The following MARCHF10 variants were observed in gnomAD, a reference collection of about 807,000 sequenced individuals.
MARCHF10 encodes the protein membrane associated ring-CH-type finger 10.
MARCHF10 carries 64 observed loss-of-function variants against 76.2 expected under a neutral mutation model. The ratio of observed to expected loss-of-function variants is 0.84; its 90% CI spans 0.69 to 1.03. The LOEUF (loss-of-function observed/expected upper bound fraction) is 1.03, where lower values mean the gene tolerates loss of function less well. MARCHF10 is among the 50% of genes least tolerant of loss of function. The pLI, the probability that MARCHF10 is intolerant of heterozygous loss-of-function variation, is 0.00. For synonymous variants in MARCHF10, 340 were observed against 357.5 expected, an observed-to-expected ratio of 0.95 and a Z score of 0.55; for missense variants, 875 against 958.0, an observed-to-expected ratio of 0.91 and a Z score of 1.14.
At chr17:62,741,494 C>T (rs1473622661) in intron 5 of MARCHF10, among the ~76,000 whole-genome samples, 1 of 152,174 alleles carries the variant, frequency 6.6e-6, no homozygotes, top group Non-Finnish European at 1.5e-5. Context: ...GTAGCATAGA[C>T]ACAACAGTGC....
chr17:62,738,943 AC>A lies in MARCHF10; in HGVS notation c.536-1612del, dbSNP rs2091399825. 6.6e-6 allele frequency among the ~76,000 whole-genome samples: 1 copy of A among 151,588 alleles called. No homozygotes were observed. On this transcript the variant is annotated intron_variant, in intron 5 of 10. Coordinates refer to ENST00000311269, the MANE Select transcript of MARCHF10 (RefSeq NM_152598.4). This position sits in a 1 kb window ranked among gnomAD's most constrained non-coding sequence, Gnocchi z 4.0. ...GGCGAGGCCACTCCAGACTGGGCCG[AC>A]CCCCATTTTGGGAACAAATGCTTCT...
chr17:62,791,258 T>G (rs1340936912), intron 2 of MARCHF10, among the ~76,000 whole-genome samples: 1 of 152,208 alleles, frequency 6.6e-6, no homozygotes, highest in Admixed American at 6.5e-5. Flanking sequence ...AGCTTGTGTT[T>G]GGAAAGAGCA....
chr17:62,782,636 C>T lies in MARCHF10; in HGVS notation c.210+5844G>A, dbSNP rs372296853. Among the ~76,000 whole-genome samples the T allele has an allele frequency of 1.3e-3, 205 of 152,122 alleles. 1 individual carries two copies. Among genetic ancestry groups the T allele is most frequent in the African/African-American group, 3.9e-3 (163 of 41,486 alleles). On this transcript the variant is annotated intron_variant, in intron 3 of 10. Transcript: ENST00000311269. ...CTGGGATTACAGGTGTGAGCTACCG[C>T]GCCTGGCCAAACGACTGTATTTTAA...
intron 3 of MARCHF10, among the ~76,000 whole-genome samples, chr17:62,770,783 C>T (rs1192900651): frequency 1.3e-5 from 2 of 151,748 alleles, no homozygotes; most frequent in Non-Finnish European, 2.9e-5. Flanking sequence ...TCAGGTGATT[C>T]ACCCGCCTTG....
At chr17:62,747,074 A>C (rs1424930401) in intron 4 of MARCHF10, 1 of 830,626 alleles carries the variant, frequency 1.2e-6, no homozygotes, top group Non-Finnish European at 1.9e-6. Context: ...TTTCTCTCCA[A>C]CTAGCCTGCA....
chr17:62,758,911 T>C (rs944991261), intron 4 of MARCHF10, among the ~76,000 whole-genome samples: 9 of 152,236 alleles, frequency 5.9e-5, no homozygotes, highest in Non-Finnish European at 8.8e-5. Flanking sequence ...GTTTGTCTTA[T>C]AGCTGTTGTC....
chr17:62,770,487 C>T (rs2092422020), intron 3 of MARCHF10, among the ~76,000 whole-genome samples: 1 of 151,792 alleles, frequency 6.6e-6, no homozygotes, highest in Admixed American at 6.6e-5. Context: ...TTCCCAGCAA[C>T]AGTATGTAAG....
chr17:62,704,067 C>T (rs984409118), intron 10 of MARCHF10, among the ~76,000 whole-genome samples: 10 of 151,760 alleles, frequency 6.6e-5, no homozygotes, highest in Non-Finnish European at 1.5e-4. Flanking sequence ...GGCGCGGCGC[C>T]GGGACCCTGC....
chr17:62,741,874 A>AT (rs2091520939), intron 5 of MARCHF10, among the ~76,000 whole-genome samples: 2 of 147,286 alleles, frequency 1.4e-5, no homozygotes. Context: ...TTTTTTTTGT[A>AT]TTTTTAGTAG....
intron 3 of MARCHF10, among the ~76,000 whole-genome samples, chr17:62,766,228 C>T (rs964282809): frequency 2.0e-5 from 3 of 151,042 alleles, no homozygotes; most frequent in Non-Finnish European, 2.9e-5. Context: ...GGGCCGGACG[C>T]GGTGGCTCAC....
At chr17:62,791,132 A>G (rs997212916) in intron 2 of MARCHF10, among the ~76,000 whole-genome samples, 15 of 152,372 alleles carry the variant, frequency 9.8e-5, no homozygotes, top group African/African-American at 3.4e-4. Flanking sequence ...AACAAAAAAC[A>G]CCCAATCATA....
At chr17:62,782,570 A>G (rs2092678621) in intron 3 of MARCHF10, among the ~76,000 whole-genome samples, 1 of 151,806 alleles carries the variant, frequency 6.6e-6, no homozygotes, top group Non-Finnish European at 1.5e-5. Context: ...CTGGTCTTGA[A>G]TTCCTGACCT....
At chr17:62,766,426 G>A (rs577695689) in intron 3 of MARCHF10, among the ~76,000 whole-genome samples, 1 of 152,244 alleles carries the variant, frequency 6.6e-6, no homozygotes. Flanking sequence ...CTTGAACCTG[G>A]GAGGTGGAGG....
intron 2 of MARCHF10, 41 bp downstream of exon 2, chr17:62,801,605 G>C (rs1270992864): frequency 6.6e-7 from 1 of 1,510,818 alleles, no homozygotes; most frequent in East Asian, 2.3e-5. Flanking sequence ...TCTAAATACT[G>C]CAAGAGAAGG....
At chr17:62,732,316 C>A (rs1339483771) in intron 6 of MARCHF10, among the ~76,000 whole-genome samples, 1 of 152,196 alleles carries the variant, frequency 6.6e-6, no homozygotes, top group East Asian at 1.9e-4. Context: ...AGGCTTACAT[C>A]ATCGCATATC....
rs370268977 is a variant in MARCHF10, at chr17:62,801,459, G to GTT, written c.90+185_90+186dup. 4.0e-3 allele frequency among the ~76,000 whole-genome samples: 555 copies of GTT among 137,084 alleles called. 2 individuals carry two copies. Among genetic ancestry groups the GTT allele is most frequent in the African/African-American group, 6.7e-3 (255 of 37,808 alleles). 89.9% of individuals were successfully genotyped at this position (137,084 alleles called of 152,430 possible). On this transcript the variant is annotated intron_variant, in intron 2 of 10. Transcript: ENST00000311269. ...TGAGCCACCGTGCCCAGCTATCCCC[G>GTT]TTTTTTTTTTTTTTTTTACAGACGA...
At chr17:62,775,132 C>CTTTT (rs35354893) in intron 3 of MARCHF10, among the ~76,000 whole-genome samples, 64,591 of 142,148 alleles carry the variant, frequency 0.45, 15,868 homozygotes, top group East Asian at 0.68. Context: ...CCTGGCCTTC[C>CTTTT]TTTTTTTTTT....
intron 4 of MARCHF10, among the ~76,000 whole-genome samples, chr17:62,748,381 G>A (rs541277333): frequency 6.6e-6 from 1 of 151,402 alleles, no homozygotes; most frequent in Admixed American, 6.6e-5. Flanking sequence ...TCCAGGCCGG[G>A]CGACAGTGCA....
rs538341204 is a variant in MARCHF10 at position 62,715,514 on chromosome 17, C to T, written c.2215-4170G>A. Among the ~76,000 whole-genome samples the T allele has an allele frequency of 1.1e-4, 17 of 152,320 alleles. No homozygotes were observed. In the South Asian group the frequency reaches 1.7e-3, roughly 15 times the overall value. On this transcript the variant is annotated intron_variant, in intron 8 of 10. Transcript: ENST00000311269. ...GCATGCTGCTGTCCAGGAGTTCTGC[C>T]CTCCACCGCAAAACCGAGTGCCCAA... is the stretch of plus-strand genomic sequence containing the variant.
Sources: gnomAD v4.1 joint callset for allele counts (sites outside exome capture counted in the v4.1 genomes callset) on GRCh38, gnomAD v4.1.1 for gene constraint, Gnocchi (gnomAD v3.1) non-coding constraint, MANE v1.5 for transcripts, NCBI Gene and HGNC (gene_info 2026-07-23, HGNC 2026-07-21) for gene names.